Variants in UBR2 observed in about 807,000 individuals in gnomAD.
The protein encoded by UBR2 is E3 ubiquitin-protein ligase UBR2.
In UBR2, 92 loss-of-function variants were observed where a neutral mutation model predicts 247.9. The ratio of observed to expected loss-of-function variants is 0.37; its 90% CI spans 0.31 to 0.44. The LOEUF is 0.44. Ranked by LOEUF, UBR2 falls within the 20% of genes least tolerant of loss-of-function variation. The pLI, the probability that UBR2 is intolerant of heterozygous loss-of-function variation, is 1.00. For missense variants in UBR2, 1,613 were observed against 2,112.6 expected (o/e 0.76, Z 4.64); for synonymous variants, 672 against 693.5 (o/e 0.97, Z 0.49).
chr6:42,602,812 C>G (rs1449181235), intron 4 of UBR2, among the ~76,000 whole-genome samples: 2 of 151,230 alleles, frequency 1.3e-5, no homozygotes, highest in African/African-American at 4.9e-5. Context: ...TGATTCCCAT[C>G]CCATGATGTT....
At chr6:42,629,225 C>T (rs996987464) in intron 11 of UBR2, among the ~76,000 whole-genome samples, 1 of 152,014 alleles carries the variant, frequency 6.6e-6, no homozygotes, top group East Asian at 1.9e-4. Context: ...CCATGTTGGC[C>T]AGACAGGTCT....
At chr6:42,670,265 T>C (rs1370346704) in intron 35 of UBR2, 25 bp downstream of exon 35, 2 of 1,605,860 alleles carry the variant, frequency 1.2e-6, no homozygotes, top group African/African-American at 2.7e-5. Context: ...GCTGTTTCTC[T>C]ATAAGTCACA....
At chr6:42,597,930 A>G (rs1021725115) in intron 4 of UBR2, among the ~76,000 whole-genome samples, 1 of 152,110 alleles carries the variant, frequency 6.6e-6, no homozygotes, top group Non-Finnish European at 1.5e-5. Flanking sequence ...CAAAAAAAAA[A>G]AGAGAAATGA....
chr6:42,676,448 TTA>T (rs1798726743), intron 39 of UBR2, among the ~76,000 whole-genome samples: 1 of 152,250 alleles, frequency 6.6e-6, no homozygotes, highest in Admixed American at 6.5e-5. Context: ...TTTTAGAATC[TTA>T]TGTTTTAGAA....
chr6:42,589,314 G>A (rs931483252), intron 2 of UBR2, among the ~76,000 whole-genome samples: 4 of 152,168 alleles, frequency 2.6e-5, no homozygotes, highest in African/African-American at 9.7e-5. Context: ...GCCTGTTAAT[G>A]TGATAGATTT....
intron 11 of UBR2, among the ~76,000 whole-genome samples, chr6:42,622,433 A>C (rs1338288135): frequency 3.6e-5 from 5 of 138,410 alleles, no homozygotes; most frequent in Admixed American, 7.1e-5. Context: ...ACAGAACCTC[A>C]CTCTGTTCCC....
In UBR2 at chr6:42,582,962, G is replaced by T. The variant is rs115804884; in HGVS notation, c.338+8969G>T. On this transcript the variant is annotated intron_variant, in intron 2 of 46. Transcript: ENST00000372901. ...ATTGCCCATTCATCCAGCTTCTCTT[G>T]TGAAGTTATTGTTAAGGTCTTTTGT... Among the ~76,000 whole-genome samples, 611 of 151,914 alleles carry T rather than the reference G, an allele frequency of 4.0e-3. 1 individual carries two copies. Among genetic ancestry groups the T allele is most frequent in the African/African-American group, 0.014 (568 of 41,454 alleles).
chr6:42,678,479 C>A, intron 40 of UBR2, 60 bp from the exon 41 acceptor site: 1 of 1,557,968 alleles, frequency 6.4e-7, no homozygotes, highest in South Asian at 1.2e-5. Context: ...TGTTTTCACA[C>A]TATAAGTACA....
chr6:42,673,954 C>T (rs1352542140), intron 37 of UBR2, 67 bp downstream of exon 37: 20 of 1,383,726 alleles, frequency 1.4e-5, no homozygotes, highest in Non-Finnish European at 7.1e-6. Flanking sequence ...TTTAATGGTA[C>T]AGCTTCTCTC....
chr6:42,652,239 G>C (rs1373392462), intron 24 of UBR2, among the ~76,000 whole-genome samples, 168 bp downstream of exon 24: 1 of 152,168 alleles, frequency 6.6e-6, no homozygotes, highest in African/African-American at 2.4e-5. Flanking sequence ...CACAGAAATA[G>C]TTTGTGCTAA....
chr6:42,632,285 C>G (rs994272691), intron 11 of UBR2, among the ~76,000 whole-genome samples: 9 of 151,838 alleles, frequency 5.9e-5, no homozygotes, highest in Non-Finnish European at 1.3e-4. Context: ...GAGCCCCCAC[C>G]CTGAATTTAT....
chr6:42,576,229 T>G (rs543491166), intron 2 of UBR2, among the ~76,000 whole-genome samples: 3 of 152,220 alleles, frequency 2.0e-5, no homozygotes, highest in Non-Finnish European at 4.4e-5. Context: ...GGAGCTTTAT[T>G]TTATACCTAT....
chr6:42,568,655 G>A (rs935729949), intron 1 of UBR2, among the ~76,000 whole-genome samples: 3 of 151,964 alleles, frequency 2.0e-5, no homozygotes, highest in South Asian at 2.1e-4. Context: ...GCATGAACCC[G>A]GGAGGCGGAG....
chr6:42,655,082 T>A (rs374611758), intron 25 of UBR2, among the ~76,000 whole-genome samples: 4 of 152,308 alleles, frequency 2.6e-5, no homozygotes, highest in South Asian at 4.1e-4. Flanking sequence ...ACCCTGAGGA[T>A]TTGCAATTGA....
rs1795856752 is a variant in UBR2 at position 42,633,042 on chromosome 6, A to T, written c.1545+138A>T. ...TTGCCCAGGGTGGAGTGTAGTGGCTAGTCATAGACACAACCATAGTGTACT... is the reference window on the plus strand; with the variant it reads ...TTGCCCAGGGTGGAGTGTAGTGGCTTGTCATAGACACAACCATAGTGTACT... On this transcript the variant is annotated intron_variant, in intron 13 of 46. Transcript: ENST00000372901. 5.6e-6 allele frequency: 3 copies of T among 533,214 alleles called. No homozygotes were observed. The East Asian group carries it at 9.8e-5, about 17-fold the overall frequency. The allele number at this position is 533,214 out of a possible 1,614,324, so 33.0% of individuals were successfully genotyped here.
At chr6:42,587,042 A>T (rs1295511580) in intron 2 of UBR2, among the ~76,000 whole-genome samples, 1 of 151,594 alleles carries the variant, frequency 6.6e-6, no homozygotes, top group Non-Finnish European at 1.5e-5. Context: ...CTGGTCTTGA[A>T]CTCCTGACCT....
chr6:42,605,484 A>G (rs1328803900), intron 5 of UBR2, among the ~76,000 whole-genome samples: 4 of 152,166 alleles, frequency 2.6e-5, no homozygotes, highest in African/African-American at 9.7e-5. Flanking sequence ...CAGGCCTGTT[A>G]TACCCTGCTC....
At chr6:42,650,243 A>G (rs1797036390) in intron 22 of UBR2, 41 bp from the exon 23 acceptor site, 2 of 1,500,474 alleles carry the variant, frequency 1.3e-6, no homozygotes, top group Admixed American at 1.7e-5. Flanking sequence ...AAATTAGTGT[A>G]TGGCTTTGGT....
chr6:42,650,796 C>T (rs1220679714), intron 23 of UBR2, among the ~76,000 whole-genome samples: 4 of 152,058 alleles, frequency 2.6e-5, no homozygotes, highest in Non-Finnish European at 4.4e-5. Context: ...CATACCTTTA[C>T]GTATATGGGT....
Sources: allele counts gnomAD v4.1 joint callset (sites outside exome capture counted in the v4.1 genomes callset), GRCh38; gene constraint gnomAD v4.1.1; transcripts MANE v1.5; gene names NCBI Gene and HGNC (gene_info 2026-07-23, HGNC 2026-07-21).